The following TAFA1 variants were observed in gnomAD, a reference collection of about 807,000 sequenced individuals.
TAFA1 encodes chemokine-like protein TAFA-1.
In TAFA1, 4 loss-of-function variants were observed where a neutral mutation model predicts 18.5. The ratio of observed to expected loss-of-function variants is 0.22; its 90% confidence interval spans 0.11 to 0.49. TAFA1 has a LOEUF of 0.49. Among genes scored for constraint, TAFA1 ranks in the 20% least tolerant of loss-of-function variants. The probability of loss-of-function intolerance (pLI) is 0.98; values close to 1 mark genes in which losing one functional copy is unlikely to be tolerated. For missense variants in TAFA1, 147 were observed against 169.0 expected (o/e 0.87, Z 0.72); for synonymous variants, 56 against 55.2 (o/e 1.01, Z -0.06).
At chr3:68,521,388 C>G (rs768899202) in intron 3 of TAFA1, among the ~76,000 whole-genome samples, 2 of 152,140 alleles carry the variant, frequency 1.3e-5, no homozygotes, top group Non-Finnish European at 2.9e-5. Flanking sequence ...TTTTCTGTAG[C>G]CAATTTACAA....
rs532556624 is a variant in TAFA1, at chr3:68,377,162, G to A, written c.119-40118G>A. 7.2e-5 allele frequency among the ~76,000 whole-genome samples: 11 copies of A among 152,304 alleles called. 2 individuals are homozygous for A. The highest frequency in any genetic ancestry group is 2.6e-4 in the African/African-American group (11 of 41,558). On this transcript the variant is annotated intron_variant, in intron 2 of 4. Coordinates refer to ENST00000478136, the MANE Select transcript of TAFA1 (RefSeq NM_213609.4). ...GTAAAGTTGTACCACAGAGAGTTGG[G>A]TGCTGCTATAAATAGATACTTGAAA...
intron 2 of TAFA1, among the ~76,000 whole-genome samples, chr3:68,071,085 C>G (rs1453353568): frequency 6.6e-6 from 1 of 152,220 alleles, no homozygotes; most frequent in East Asian, 1.9e-4. Flanking sequence ...CCCCCATTCT[C>G]CTGGTCCCAA....
rs367882676 is a variant in TAFA1, at chr3:68,412,104, A to G, written c.119-5176A>G. Among the ~76,000 whole-genome samples the G allele has an allele frequency of 4.5e-3, 679 of 152,326 alleles. 9 individuals carry two copies. Among genetic ancestry groups the G allele is most frequent in the African/African-American group, 0.016 (650 of 41,556 alleles). The stretch of plus-strand genomic sequence containing the variant: ...TTCCTGGCCTCATGTGTGTAAATCC[A>G]CCATCTGTGAGCCTAAGGAAGATAT... On this transcript the variant is annotated intron_variant, in intron 2 of 4. Coordinates refer to ENST00000478136, the MANE Select transcript of TAFA1 (RefSeq NM_213609.4).
intron 2 of TAFA1, among the ~76,000 whole-genome samples, chr3:68,296,369 A>C (rs1470888260): frequency 2.0e-5 from 3 of 152,208 alleles, no homozygotes; most frequent in Non-Finnish European, 4.4e-5. Flanking sequence ...AGAGCCCCTT[A>C]AATGAATTTC....
intron 3 of TAFA1, among the ~76,000 whole-genome samples, chr3:68,458,268 A>G (rs947126308): frequency 2.6e-5 from 4 of 152,074 alleles, no homozygotes; most frequent in Non-Finnish European, 4.4e-5. Context: ...CATGATTGAA[A>G]GTTTCCTGAG....
intron 2 of TAFA1, among the ~76,000 whole-genome samples, chr3:68,380,453 C>T (rs377548441): frequency 0.011 from 1,638 of 152,128 alleles, 12 homozygotes; most frequent in Non-Finnish European, 0.016. Flanking sequence ...TTTTAATGAT[C>T]GCCATTCTAA....
chr3:68,472,913 T>C (rs2072027360), intron 3 of TAFA1, among the ~76,000 whole-genome samples: 3 of 152,116 alleles, frequency 2.0e-5, no homozygotes, highest in African/African-American at 7.2e-5. Flanking sequence ...ACTCTAGATA[T>C]TTTGATTAGC....
At chr3:68,202,287 G>T (rs1482063975) in intron 2 of TAFA1, among the ~76,000 whole-genome samples, 1 of 151,552 alleles carries the variant, frequency 6.6e-6, no homozygotes, top group Non-Finnish European at 1.5e-5. Context: ...ATCTAGTTGG[G>T]TCTTGTTTTT....
At chr3:68,468,390 T>C (rs757812924) in intron 3 of TAFA1, among the ~76,000 whole-genome samples, 5 of 152,194 alleles carry the variant, frequency 3.3e-5, no homozygotes, top group African/African-American at 4.8e-5. Context: ...TCTGAGAGTA[T>C]ACAAAACTTT....
chr3:68,425,115 A>T (rs765624584), intron 3 of TAFA1, among the ~76,000 whole-genome samples: 11 of 151,974 alleles, frequency 7.2e-5, no homozygotes, highest in Non-Finnish European at 1.3e-4. Flanking sequence ...AATCATCTAG[A>T]GAGCTTCCAG....
intron 2 of TAFA1, among the ~76,000 whole-genome samples, chr3:68,052,807 C>A (rs542555045): frequency 6.6e-6 from 1 of 152,276 alleles, no homozygotes; most frequent in South Asian, 2.1e-4. Flanking sequence ...AATCATGACT[C>A]CCACAAATAC....
chr3:68,083,440 T>C (rs1464851106), intron 2 of TAFA1, among the ~76,000 whole-genome samples: 1 of 152,248 alleles, frequency 6.6e-6, no homozygotes, highest in Non-Finnish European at 1.5e-5. Flanking sequence ...AAGTGATCAT[T>C]ATGTGTGAAC....
intron 3 of TAFA1, among the ~76,000 whole-genome samples, chr3:68,423,259 C>G (rs1392645130): frequency 6.6e-6 from 1 of 152,090 alleles, no homozygotes; most frequent in Non-Finnish European, 1.5e-5. Context: ...AGTCTATACA[C>G]TTATTTAATT....
At chr3:68,530,439 A>C (rs1391822268) in intron 3 of TAFA1, among the ~76,000 whole-genome samples, 1 of 152,230 alleles carries the variant, frequency 6.6e-6, no homozygotes, top group Non-Finnish European at 1.5e-5. Context: ...AAGAAGCTTT[A>C]GTGATTTTAA....
chr3:68,108,789 T>C (rs1008134959), intron 2 of TAFA1, among the ~76,000 whole-genome samples: 1 of 152,144 alleles, frequency 6.6e-6, no homozygotes, highest in Non-Finnish European at 1.5e-5. Context: ...ATTTGTCTTT[T>C]ATTATTATAA....
At chr3:67,994,824 C>T in the TAFA1 span, among the ~76,000 whole-genome samples, 1 of 151,982 alleles carries the variant, frequency 6.6e-6, no homozygotes, top group African/African-American at 2.4e-5. Flanking sequence ...TGACTTTGGC[C>T]CAAACTGACT....
At chr3:68,033,554 C>A (rs542091682) in intron 2 of TAFA1, among the ~76,000 whole-genome samples, 2 of 152,204 alleles carry the variant, frequency 1.3e-5, no homozygotes, top group East Asian at 3.9e-4. Flanking sequence ...TCAATGCCTC[C>A]TCTGAGAGCA....
At position 68,231,344 on chromosome 3, in the gene TAFA1, A is replaced by ATTTTTT. The variant is rs1175174572; in HGVS notation, c.119-185914_119-185909dup. On this transcript the variant is annotated intron_variant, in intron 2 of 4. Transcript: ENST00000478136. ...ATCTACCCATGCTTTAATCTATTTG[A>ATTTTTT]TTTTTTTTTTTTTTTTTTTTTTTTT... 3.3e-4 allele frequency among the ~76,000 whole-genome samples: 26 copies of ATTTTTT among 79,876 alleles called. 2 individuals carry two copies. Among genetic ancestry groups the ATTTTTT allele is most frequent in the African/African-American group, 8.1e-4 (16 of 19,764 alleles). 52.4% of individuals were successfully genotyped at this position (79,876 alleles called of 152,430 possible).
chr3:68,208,918 G>A (rs2066560848), intron 2 of TAFA1, among the ~76,000 whole-genome samples: 1 of 151,934 alleles, frequency 6.6e-6, no homozygotes, highest in South Asian at 2.1e-4. Context: ...AAAAACAGGT[G>A]TAATGGAAGA....
Sources: gnomAD v4.1 joint callset for allele counts (sites outside exome capture counted in the v4.1 genomes callset) on GRCh38, gnomAD v4.1.1 for gene constraint, MANE v1.5 for transcripts, NCBI Gene and HGNC (gene_info 2026-07-23, HGNC 2026-07-21) for gene names.